Variants in KLRG1 observed in about 807,000 individuals in gnomAD.
KLRG1 encodes the protein killer cell lectin like receptor G1, also known as killer cell lectin-like receptor subfamily G member 1.
Under a neutral mutation model 21.8 loss-of-function variants are expected in KLRG1, and 16 were observed. The observed-to-expected ratio is 0.73, with a 90% CI of 0.50 to 1.11. The LOEUF (loss-of-function observed/expected upper bound fraction) is 1.11. KLRG1 is among the 50% of genes most tolerant of loss of function. The pLI is 0.00. For synonymous variants in KLRG1, 69 were observed against 75.9 expected, an observed-to-expected ratio of 0.91 and a Z score of 0.47; for missense variants, 173 against 218.3, an observed-to-expected ratio of 0.79 and a Z score of 1.31.
intron 1 of KLRG1, among the ~76,000 whole-genome samples, chr12:8,952,826 A>T (rs1946227131): frequency 6.6e-6 from 1 of 152,196 alleles, no homozygotes; most frequent in Admixed American, 6.5e-5. Context: ...GTTTCAATAG[A>T]TGCTATGTAT....
At chr12:8,974,460 C>T (rs1229846207) in intron 1 of KLRG1, among the ~76,000 whole-genome samples, 6 of 152,156 alleles carry the variant, frequency 3.9e-5, no homozygotes, top group African/African-American at 1.4e-4. Context: ...AGCCACTGCG[C>T]CCGGCTGTCT....
chr12:9,042,071 G>A, the KLRG1 span, among the ~76,000 whole-genome samples: 1 of 152,182 alleles, frequency 6.6e-6, no homozygotes, highest in African/African-American at 2.4e-5. Context: ...TAGAAAAAAG[G>A]TCGCTTGTGT....
intron 3 of KLRG1, among the ~76,000 whole-genome samples, chr12:8,998,653 C>CA (rs1395263494): frequency 6.7e-6 from 1 of 149,768 alleles, no homozygotes; most frequent in African/African-American, 2.5e-5. Flanking sequence ...CACACCACTG[C>CA]ACTCCAGCCT....
chr12:9,029,706 G>T, the KLRG1 span, among the ~76,000 whole-genome samples: 9 of 151,950 alleles, frequency 5.9e-5, no homozygotes, highest in African/African-American at 2.2e-4. Flanking sequence ...GCCTGCTTGG[G>T]ATTTTACTTG....
the KLRG1 span, chr12:9,109,345 T>A: frequency 1.9e-6 from 3 of 1,613,328 alleles, no homozygotes; most frequent in Non-Finnish European, 2.5e-6. Context: ...TACATTCATC[T>A]CTTCTTCCAA....
chr12:9,005,133 TTATAAG>T (rs1947430546), intron 3 of KLRG1, among the ~76,000 whole-genome samples: 2 of 151,876 alleles, frequency 1.3e-5, no homozygotes, highest in African/African-American at 4.8e-5. Flanking sequence ...ATGTTCTCAC[TTATAAG>T]TAGGAGTTGA....
chr12:9,047,221 T>C, the KLRG1 span, among the ~76,000 whole-genome samples: 1 of 152,212 alleles, frequency 6.6e-6, no homozygotes, highest in Non-Finnish European at 1.5e-5. Context: ...AACAAAATAT[T>C]ATTAGTAGCA....
At chr12:9,172,992 A>G in the KLRG1 span, among the ~76,000 whole-genome samples, 2 of 152,268 alleles carry the variant, frequency 1.3e-5, no homozygotes, top group Admixed American at 1.3e-4. Flanking sequence ...TGATATCTAC[A>G]GAACTCTCCA....
the KLRG1 span, among the ~76,000 whole-genome samples, chr12:9,114,459 C>T: frequency 3.9e-5 from 6 of 151,974 alleles, no homozygotes; most frequent in Admixed American, 3.9e-4. Context: ...ACAATTTTCT[C>T]ATGAATAATA....
Position 8,995,366 on chromosome 12 carries a change from C to A in KLRG1, c.357+78C>A. The A allele has an allele frequency of 4.1e-6, 5 of 1,220,568 alleles. No individual in the cohort carries two copies. In the East Asian group the frequency reaches 9.7e-5, roughly 24 times the overall value. 75.6% of individuals were successfully genotyped at this position (1,220,568 alleles called of 1,614,324 possible). A position where few individuals can be genotyped will look rare whatever the true frequency, so the allele number is the denominator to read the frequency against. ...TTTTTAAACTGCTATTTAAATGTAT[C>A]ATGTATCCTCTTTTAAGGAACAGAA... On this transcript the variant is annotated intron_variant, in intron 3 of 4. Transcript: ENST00000356986.
chr12:8,957,192 G>T (rs1946309430), intron 1 of KLRG1, among the ~76,000 whole-genome samples: 1 of 152,180 alleles, frequency 6.6e-6, no homozygotes, highest in African/African-American at 2.4e-5. Flanking sequence ...TTGTGTTTTG[G>T]TGGGGTAGTA....
chr12:9,060,445 G>T, the KLRG1 span, among the ~76,000 whole-genome samples: 1 of 152,108 alleles, frequency 6.6e-6, no homozygotes, highest in East Asian at 1.9e-4. Context: ...CTGCATGATA[G>T]AACCACCTAC....
chr12:9,197,844 TATATA>T, the KLRG1 span, among the ~76,000 whole-genome samples: 2 of 114,986 alleles, frequency 1.7e-5, no homozygotes, highest in African/African-American at 7.0e-5. Context: ...CAATATATAA[TATATA>T]ATATTAATTA....
At chr12:9,123,527 C>T in the KLRG1 span, among the ~76,000 whole-genome samples, 4 of 152,070 alleles carry the variant, frequency 2.6e-5, no homozygotes, top group Non-Finnish European at 5.9e-5. Flanking sequence ...GATTCATATC[C>T]CGGGTGTCAA....
the KLRG1 span, among the ~76,000 whole-genome samples, chr12:9,124,848 CAGGG>C: frequency 6.6e-6 from 1 of 152,346 alleles, no homozygotes; most frequent in East Asian, 1.9e-4. Flanking sequence ...ACCTTCAGGC[CAGGG>C]AGGACCTGAA....
chr12:9,074,911 G>T, the KLRG1 span: 1 of 996,522 alleles, frequency 1.0e-6, no homozygotes, highest in Non-Finnish European at 1.5e-6. Flanking sequence ...GTATGTAGAT[G>T]CTTTTCCCTT....
the KLRG1 span, among the ~76,000 whole-genome samples, chr12:9,155,350 C>T: frequency 6.6e-6 from 1 of 151,984 alleles, no homozygotes; most frequent in Non-Finnish European, 1.5e-5. Flanking sequence ...GTAACCTCTT[C>T]CAGAGTTAAC....
chr12:9,108,321 T>C, the KLRG1 span, among the ~76,000 whole-genome samples: 1 of 152,036 alleles, frequency 6.6e-6, no homozygotes, highest in Non-Finnish European at 1.5e-5. Flanking sequence ...AGAGACGGGG[T>C]TTCACCATGT....
At chr12:9,037,982 A>C in the KLRG1 span, among the ~76,000 whole-genome samples, 16 of 152,228 alleles carry the variant, frequency 1.1e-4, no homozygotes, top group Admixed American at 4.6e-4. Flanking sequence ...TAAAAGATGT[A>C]CTGCAGTGGC....
Sources: gnomAD v4.1 joint callset for allele counts (sites outside exome capture counted in the v4.1 genomes callset) on GRCh38, gnomAD v4.1.1 for gene constraint, MANE v1.5 for transcripts, NCBI Gene and HGNC (gene_info 2026-07-23, HGNC 2026-07-21) for gene names.